The following TMEM132C variants were observed in gnomAD, a reference collection of about 807,000 sequenced individuals.
TMEM132C encodes the protein protein phosphatase 1, regulatory subunit 152.
TMEM132C carries 29 observed loss-of-function variants against 61.4 expected under a neutral mutation model. The ratio of observed to expected loss-of-function variants is 0.47; its 90% CI spans 0.35 to 0.64. The LOEUF is 0.64. TMEM132C is among the 30% of genes least tolerant of loss of function. The pLI, the probability that TMEM132C is intolerant of heterozygous loss-of-function variation, is 0.00. For synonymous variants in TMEM132C, 656 were observed against 633.1 expected, an observed-to-expected ratio of 1.04 and a Z score of -0.54; for missense variants, 1,408 against 1,476.9, an observed-to-expected ratio of 0.95 and a Z score of 0.76.
intron 1 of TMEM132C, among the ~76,000 whole-genome samples, chr12:128,340,936 CTCTCTCTCTTTCTT>C (rs1012713837): frequency 4.4e-5 from 6 of 134,904 alleles, no homozygotes; most frequent in African/African-American, 1.8e-4. Flanking sequence ...CTCTCTCTCT[CTCTCTCTCTTTCTT>C]TCTTTCTTTC....
chr12:128,672,338 T>C (rs1282844009), intron 5 of TMEM132C, among the ~76,000 whole-genome samples: 1 of 152,134 alleles, frequency 6.6e-6, no homozygotes, highest in African/African-American at 2.4e-5. Context: ...ATGTAACGTG[T>C]TGATAAGACA....
intron 1 of TMEM132C, among the ~76,000 whole-genome samples, chr12:128,333,041 TTGTG>T (rs1429967546): frequency 6.6e-6 from 1 of 152,086 alleles, no homozygotes; most frequent in Non-Finnish European, 1.5e-5. Context: ...TGTGTATGTG[TTGTG>T]TGTGTGAGTA....
At chr12:128,495,382 G>C (rs1171227993) in intron 2 of TMEM132C, among the ~76,000 whole-genome samples, 1 of 152,030 alleles carries the variant, frequency 6.6e-6, no homozygotes. Context: ...TTCAATTCCT[G>C]GATATCCTTG....
intron 5 of TMEM132C, among the ~76,000 whole-genome samples, chr12:128,689,352 A>G (rs1394016821): frequency 6.6e-6 from 1 of 152,188 alleles, no homozygotes; most frequent in Non-Finnish European, 1.5e-5. Flanking sequence ...ATTATTAACT[A>G]TATTTATCAT....
chr12:128,413,781 C>A (rs1868653143), intron 1 of TMEM132C, among the ~76,000 whole-genome samples: 1 of 152,002 alleles, frequency 6.6e-6, no homozygotes, highest in South Asian at 2.1e-4. Flanking sequence ...ATATGTGTTG[C>A]AAATATTTAC....
intron 2 of TMEM132C, among the ~76,000 whole-genome samples, chr12:128,511,612 T>C (rs981699914): frequency 2.0e-5 from 3 of 152,320 alleles, no homozygotes; most frequent in Non-Finnish European, 2.9e-5. Context: ...CCTGGCCTTG[T>C]ATCACAACAC....
intron 8 of TMEM132C, among the ~76,000 whole-genome samples, chr12:128,701,438 C>T (rs1321268108): frequency 6.6e-6 from 1 of 152,186 alleles, no homozygotes; most frequent in East Asian, 1.9e-4. Flanking sequence ...CCTTCACACA[C>T]AGCAGAATGT....
At chr12:128,697,520 C>T in intron 8 of TMEM132C, 105 bp downstream of exon 8, 2 of 1,177,076 alleles carry the variant, frequency 1.7e-6, no homozygotes, top group Non-Finnish European at 2.3e-6. Context: ...GTTAGCAGAA[C>T]CATGTTCCAC....
intron 5 of TMEM132C, among the ~76,000 whole-genome samples, chr12:128,682,787 C>T (rs1466063312): frequency 1.3e-5 from 2 of 152,204 alleles, no homozygotes; most frequent in African/African-American, 4.8e-5. Context: ...TTTACGTTCT[C>T]ACAGCTCTGG....
intron 2 of TMEM132C, among the ~76,000 whole-genome samples, chr12:128,522,236 A>G (rs1202025108): frequency 6.6e-6 from 1 of 152,224 alleles, no homozygotes; most frequent in Non-Finnish European, 1.5e-5. Flanking sequence ...ATCAAGCAGG[A>G]AGCTGCTGCT....
At chr12:128,598,679 G>T (rs970932927) in intron 3 of TMEM132C, among the ~76,000 whole-genome samples, 1 of 151,796 alleles carries the variant, frequency 6.6e-6, no homozygotes, top group Admixed American at 6.6e-5. Flanking sequence ...CTCACTTATT[G>T]TTCAGCTTTC....
At chr12:128,348,909 C>A (rs534475281) in intron 1 of TMEM132C, among the ~76,000 whole-genome samples, 1 of 152,264 alleles carries the variant, frequency 6.6e-6, no homozygotes, top group Non-Finnish European at 1.5e-5. Context: ...CTGAAAATAC[C>A]AGTTGCCAAT....
At chr12:128,482,604 C>T (rs969540870) in intron 2 of TMEM132C, among the ~76,000 whole-genome samples, 17 of 152,080 alleles carry the variant, frequency 1.1e-4, no homozygotes, top group African/African-American at 3.9e-4. Context: ...TCATCTGGTT[C>T]TGGGCTTTTT....
At chr12:128,370,968 T>A (rs1874011775) in intron 1 of TMEM132C, among the ~76,000 whole-genome samples, 1 of 152,122 alleles carries the variant, frequency 6.6e-6, no homozygotes, top group South Asian at 2.1e-4. Context: ...TTGAGGTAAG[T>A]CTTATTACTG....
chr12:128,397,392 G>A (rs1347242249), intron 1 of TMEM132C, among the ~76,000 whole-genome samples: 1 of 152,294 alleles, frequency 6.6e-6, no homozygotes, highest in South Asian at 2.1e-4. Context: ...GCAAAGGAAG[G>A]TGCATCTTTC....
intron 2 of TMEM132C, among the ~76,000 whole-genome samples, chr12:128,499,236 A>G (rs1872073675): frequency 6.6e-6 from 1 of 152,166 alleles, no homozygotes; most frequent in Non-Finnish European, 1.5e-5. Flanking sequence ...GTAATGGTCA[A>G]TTGATTTTCT....
chr12:128,494,408 T>G (rs1871864492), intron 2 of TMEM132C, among the ~76,000 whole-genome samples: 1 of 152,218 alleles, frequency 6.6e-6, no homozygotes, highest in African/African-American at 2.4e-5. Flanking sequence ...ATTAGAATAG[T>G]TTCAGAAGGA....
chr12:128,451,943 T>C (rs1870186707), intron 2 of TMEM132C, among the ~76,000 whole-genome samples: 1 of 152,006 alleles, frequency 6.6e-6, no homozygotes, highest in African/African-American at 2.4e-5. Context: ...CACTTAAAAA[T>C]ACAGTGATAA....
At chr12:128,615,146 G>A (rs978201395) in intron 3 of TMEM132C, among the ~76,000 whole-genome samples, 1 of 152,190 alleles carries the variant, frequency 6.6e-6, no homozygotes, top group Non-Finnish European at 1.5e-5. Context: ...TGAGAATGTA[G>A]TTTAGGCCTC....
Sources: gnomAD v4.1 joint callset for allele counts (sites outside exome capture counted in the v4.1 genomes callset) on GRCh38, gnomAD v4.1.1 for gene constraint, MANE v1.5 for transcripts, NCBI Gene and HGNC (gene_info 2026-07-23, HGNC 2026-07-21) for gene names.